Variants in LIPJ observed in about 807,000 individuals in gnomAD.
The protein encoded by LIPJ is lipase family member J, also known as lipase member J.
A neutral mutation model predicts 39.8 loss-of-function variants in LIPJ; 33 were observed. That is an observed-to-expected ratio of 0.83 (90% CI 0.63 to 1.11). The LOEUF is 1.11. Among genes scored for constraint, LIPJ ranks in the 50% least tolerant of loss-of-function variants. The pLI is 0.00. For missense variants in LIPJ, 422 were observed against 427.9 expected, an observed-to-expected ratio of 0.99 and a Z score of 0.12; for synonymous variants, 128 against 139.2, an observed-to-expected ratio of 0.92 and a Z score of 0.57.
chr10:88,594,247 G>T, intron 5 of LIPJ, 103 bp downstream of exon 5: 1 of 818,790 alleles, frequency 1.2e-6, no homozygotes, highest in Non-Finnish European at 1.9e-6. Flanking sequence ...TCACAATTTA[G>T]GACTTTCCAT....
At chr10:88,587,756 C>A (rs1451424960) in intron 2 of LIPJ, among the ~76,000 whole-genome samples, 2 of 151,924 alleles carry the variant, frequency 1.3e-5, no homozygotes, top group Non-Finnish European at 2.9e-5. Flanking sequence ...ACCAGGCAAC[C>A]AGCATGGATG....
chr10:88,590,625 C>G (rs140040769), exon 3 of LIPJ: 1 of 1,352,726 alleles, frequency 7.4e-7, no homozygotes, highest in African/African-American at 1.4e-5. Flanking sequence ...GTATTTTATC[C>G]GAATTCTTGG....
the LIPJ span, among the ~76,000 whole-genome samples, chr10:88,614,191 T>G: frequency 3.3e-5 from 5 of 151,996 alleles, no homozygotes; most frequent in Non-Finnish European, 7.4e-5. Context: ...TTCAGAAGTA[T>G]AGTTGTGTTG....
At position 88,588,125 on chromosome 10, in the gene LIPJ, TTTGA is replaced by T. The variant is rs145484854; in HGVS notation, c.-104+734_-104+737del. 4.4e-3 allele frequency among the ~76,000 whole-genome samples: 675 copies of T among 152,032 alleles called. 3 individuals carry two copies. Among genetic ancestry groups the T allele is most frequent in the Middle Eastern group, 0.024 (7 of 288 alleles). ...AGAGTAGTTTCACATACCTAAATTGTTTGAAACATATTTAAAAGTTTCAGTAACT... is the reference window on the plus strand; with the variant it reads ...AGAGTAGTTTCACATACCTAAATTGTAACATATTTAAAAGTTTCAGTAACT... On this transcript the variant is annotated intron_variant, in intron 2 of 10. Coordinates refer to ENST00000371939, the Ensembl canonical transcript of LIPJ.
intron 6 of LIPJ, 45 bp downstream of exon 6, chr10:88,594,821 T>G: frequency 2.0e-6 from 2 of 998,702 alleles, no homozygotes; most frequent in Non-Finnish European, 2.9e-6. Flanking sequence ...ATTTCTTTTT[T>G]AAGGTTGTGC....
chr10:88,605,081 CTA>C (rs1800053664), intron 9 of LIPJ, among the ~76,000 whole-genome samples: 1 of 152,180 alleles, frequency 6.6e-6, no homozygotes, highest in South Asian at 2.1e-4. Context: ...GAATGAACAA[CTA>C]TGTCAAGTGC....
At chr10:88,613,870 CTT>C in the LIPJ span, among the ~76,000 whole-genome samples, 2 of 133,740 alleles carry the variant, frequency 1.5e-5, no homozygotes, top group Middle Eastern at 4.1e-3. Flanking sequence ...ATATATGTAT[CTT>C]ATATATGTTA....
the LIPJ span, among the ~76,000 whole-genome samples, chr10:88,616,976 TC>T: frequency 6.6e-6 from 1 of 151,948 alleles, no homozygotes; most frequent in African/African-American, 2.4e-5. Flanking sequence ...GCCTTTCTCT[TC>T]CCCCTCTTTA....
At chr10:88,608,566 A>G (rs1237745433), downstream of LIPJ, among the ~76,000 whole-genome samples, 2 of 152,234 alleles carry the variant, frequency 1.3e-5, no homozygotes, top group African/African-American at 4.8e-5. Context: ...AAGAAAGTCT[A>G]GAATTGAGTG....
At chr10:88,607,970 A>G (rs1178981091), downstream of LIPJ, among the ~76,000 whole-genome samples, 1 of 152,252 alleles carries the variant, frequency 6.6e-6, no homozygotes, top group East Asian at 1.9e-4. Flanking sequence ...AGGTTCTCAC[A>G]GTAAATATTG....
At chr10:88,596,158 A>C (rs1417161834) in intron 6 of LIPJ, 122 bp from the exon 7 acceptor site, 6 of 613,250 alleles carry the variant, frequency 9.8e-6, no homozygotes, top group African/African-American at 1.9e-5. Flanking sequence ...AAATGAATTA[A>C]GAAATAAGTT....
intron 2 of LIPJ, among the ~76,000 whole-genome samples, chr10:88,588,041 C>T (rs777748875): frequency 6.6e-6 from 1 of 151,852 alleles, no homozygotes; most frequent in Non-Finnish European, 1.5e-5. Flanking sequence ...AATTCTGGAG[C>T]TAAATTTGTA....
the LIPJ span, chr10:88,618,258 C>A: frequency 6.6e-6 from 1 of 152,112 alleles, no homozygotes; most frequent in Non-Finnish European, 1.5e-5. Flanking sequence ...ATCTAGCCTT[C>A]CCTGTTGCTG....
chr10:88,583,295 G>A, upstream of LIPJ: 1 of 1,514,830 alleles, frequency 6.6e-7, no homozygotes, highest in Non-Finnish European at 8.8e-7. Flanking sequence ...TTGGTTCCGT[G>A]CTCCCTGGGC....
the LIPJ span, among the ~76,000 whole-genome samples, chr10:88,619,160 G>A: frequency 2.0e-5 from 3 of 147,072 alleles, no homozygotes; most frequent in South Asian, 4.3e-4. Context: ...CCCCTTCCAC[G>A]CTGTGGAAGC....
chr10:88,597,538 A>G (rs1274448960), intron 8 of LIPJ, among the ~76,000 whole-genome samples: 2 of 151,860 alleles, frequency 1.3e-5, no homozygotes, highest in Non-Finnish European at 2.9e-5. Flanking sequence ...CAAATGTGCC[A>G]TTTGGACTAG....
At chr10:88,603,346 C>A (rs897911073) in intron 9 of LIPJ, among the ~76,000 whole-genome samples, 1 of 152,148 alleles carries the variant, frequency 6.6e-6, no homozygotes, top group African/African-American at 2.4e-5. Flanking sequence ...GCACTTTCTC[C>A]TCCGTTAAAT....
chr10:88,602,154 C>G (rs191249886), intron 8 of LIPJ, among the ~76,000 whole-genome samples: 147 of 152,198 alleles, frequency 9.7e-4, no homozygotes, highest in Non-Finnish European at 1.5e-3. Context: ...TCACATTCTC[C>G]TGGACTGACA....
chr10:88,596,418 T>C lies in LIPJ; in HGVS notation c.576+2T>C. 1 of 1,520,746 alleles carries C rather than the reference T, an allele frequency of 6.6e-7. No individual in the cohort carries two copies. Among genetic ancestry groups the C allele is most frequent in the Non-Finnish European group, 8.8e-7 (1 of 1,136,330 alleles). 94.2% of individuals were successfully genotyped at this position (1,520,746 alleles called of 1,614,324 possible). A position where few individuals can be genotyped will look rare whatever the true frequency, so the allele number is the denominator to read the frequency against. On this transcript the variant is annotated splice_donor_variant, in intron 7 of 10. Coordinates refer to ENST00000371939, the Ensembl canonical transcript of LIPJ. LOFTEE classifies it high-confidence loss of function. ...TACAAATGGAAGTCAATAGTCATGG[T>C]ATGTTCTACCTTTATTTTATGTCAT...
Sources: gnomAD v4.1 joint callset for allele counts (sites outside exome capture counted in the v4.1 genomes callset) on GRCh38, gnomAD v4.1.1 for gene constraint, MANE v1.5 for transcripts, NCBI Gene and HGNC (gene_info 2026-07-23, HGNC 2026-07-21) for gene names.